SOX6: variants seen among roughly 807,000 people sequenced by gnomAD.
SOX6 encodes transcription factor SOX-6.
Under a neutral mutation model 97.8 loss-of-function variants are expected in SOX6, and 11 were observed. The observed-to-expected ratio is 0.11, with a 90% CI of 0.07 to 0.19. The LOEUF is 0.19. Among genes scored for constraint, SOX6 ranks in the 10% least tolerant of loss-of-function variants. The pLI is 1.00. For synonymous variants in SOX6, 360 were observed against 371.4 expected (o/e 0.97, Z 0.35); for missense variants, 810 against 1,039.5 (o/e 0.78, Z 3.04).
chr11:16,106,372 G>A (rs191440598), intron 7 of SOX6, among the ~76,000 whole-genome samples: 17 of 151,400 alleles, frequency 1.1e-4, no homozygotes, highest in African/African-American at 3.9e-4. Context: ...ATGTGTGTGT[G>A]TATATATATA....
intron 4 of SOX6, among the ~76,000 whole-genome samples, chr11:16,533,673 C>T (rs1316602862): frequency 2.0e-5 from 3 of 151,852 alleles, no homozygotes; most frequent in Non-Finnish European, 4.4e-5. Context: ...TTGGGATGCA[C>T]GTTTGAACAG....
At chr11:16,485,504 G>A (rs1860413709) in intron 4 of SOX6, among the ~76,000 whole-genome samples, 1 of 151,990 alleles carries the variant, frequency 6.6e-6, no homozygotes, top group Admixed American at 6.5e-5. Context: ...GGCCAGGGTG[G>A]GCAAGTCATG....
At chr11:16,362,343 C>T (rs1857230528) in intron 1 of SOX6, among the ~76,000 whole-genome samples, 1 of 151,930 alleles carries the variant, frequency 6.6e-6, no homozygotes, top group Admixed American at 6.6e-5. Context: ...AAAATAAAGA[C>T]CCTCCCAGTT....
rs1299351119 is a variant in SOX6 at position 16,683,832 on chromosome 11, C to T, written n.429+30998G>A. ...AATGGGAGAAAATTTTTGCAATCTA[C>T]CCATCTGACAAAGGGCTAATATCAA... On this transcript the variant is annotated intron_variant and non_coding_transcript_variant, in intron 3 of 5. Coordinates refer to the SOX6 transcript ENST00000524520. 2.0e-5 allele frequency among the ~76,000 whole-genome samples: 3 copies of T among 151,818 alleles called. No homozygotes were observed. The East Asian group carries it at 5.8e-4, about 29-fold the overall frequency.
At chr11:16,155,635 T>C (rs1489054177) in intron 6 of SOX6, among the ~76,000 whole-genome samples, 1 of 152,120 alleles carries the variant, frequency 6.6e-6, no homozygotes. Flanking sequence ...TAGTACATAG[T>C]GAATCATTAG....
chr11:16,679,086 G>T (rs1847906528), intron 3 of SOX6, among the ~76,000 whole-genome samples: 1 of 152,228 alleles, frequency 6.6e-6, no homozygotes, highest in Non-Finnish European at 1.5e-5. Flanking sequence ...GTCCCTGTAT[G>T]ACAGCTCTGA....
intron 3 of SOX6, among the ~76,000 whole-genome samples, chr11:16,662,867 G>A (rs569889798): frequency 9.2e-5 from 14 of 152,032 alleles, no homozygotes; most frequent in Non-Finnish European, 1.9e-4. Context: ...CTTTTTTGGG[G>A]GAGGCGGGGG....
At chr11:16,112,014 C>A in intron 6 of SOX6, 91 bp from the exon 7 acceptor site, 1 of 1,514,888 alleles carries the variant, frequency 6.6e-7, no homozygotes, top group Non-Finnish European at 9.0e-7. Flanking sequence ...TGCTGGTACC[C>A]ACACAGCCAC....
At chr11:16,572,950 T>C (rs973116404) in intron 4 of SOX6, among the ~76,000 whole-genome samples, 4 of 152,190 alleles carry the variant, frequency 2.6e-5, no homozygotes, top group Admixed American at 1.3e-4. Flanking sequence ...TTTAAACCAC[T>C]CTTATTCTGT....
chr11:16,072,568 C>T lies in SOX6; in HGVS notation c.1102-16667G>A, dbSNP rs191547125. On this transcript the variant is annotated intron_variant, in intron 9 of 15. Coordinates refer to ENST00000683767, the MANE Select transcript of SOX6 (RefSeq NM_001367873.1). ...AATTTTCCCAACCTCACTAGCTTGG[C>T]CAAAATTCGAATCCAGGAAATGCAA... Among the ~76,000 whole-genome samples, 230 of 152,054 alleles carry T rather than the reference C, an allele frequency of 1.5e-3. 1 individual carries two copies. Among genetic ancestry groups the T allele is most frequent in the African/African-American group, 5.1e-3 (213 of 41,470 alleles).
At chr11:16,463,851 A>C (rs1859979516) in intron 1 of SOX6, among the ~76,000 whole-genome samples, 7 of 152,214 alleles carry the variant, frequency 4.6e-5, no homozygotes, top group Admixed American at 4.6e-4. Context: ...TCTTTTGTGT[A>C]GTATCCTTGA....
chr11:16,055,167 T>C (rs1255199347), intron 10 of SOX6, among the ~76,000 whole-genome samples: 1 of 152,210 alleles, frequency 6.6e-6, no homozygotes, highest in Non-Finnish European at 1.5e-5. Flanking sequence ...TTTTCATATT[T>C]ATGATTTTAT....
At chr11:16,266,092 A>T (rs1022659846) in intron 3 of SOX6, among the ~76,000 whole-genome samples, 7 of 151,732 alleles carry the variant, frequency 4.6e-5, no homozygotes, top group African/African-American at 1.7e-4. Flanking sequence ...AACCAAGCAC[A>T]AGAAATATGA....
rs370001656 is a variant in SOX6 at position 16,214,104 on chromosome 11, A to G, written c.535+20478T>C. 1.4e-3 allele frequency among the ~76,000 whole-genome samples: 207 copies of G among 152,340 alleles called. 1 individual carries two copies. The highest frequency in any genetic ancestry group is 4.6e-3 in the African/African-American group (193 of 41,596). On this transcript the variant is annotated intron_variant, in intron 4 of 15. Coordinates refer to ENST00000683767, the MANE Select transcript of SOX6 (RefSeq NM_001367873.1). ...CAAGGTATGTTAAGTAAGCCTTAAA[A>G]TGCAGCCAATGTTACTGAGGAACTG...
chr11:16,497,365 GA>G (rs1251941725), intron 4 of SOX6, among the ~76,000 whole-genome samples: 1 of 152,064 alleles, frequency 6.6e-6, no homozygotes, highest in Non-Finnish European at 1.5e-5. Context: ...CAAAGATGGG[GA>G]AAAAACAGAG....
chr11:16,153,994 C>T (rs552249797), intron 6 of SOX6, among the ~76,000 whole-genome samples: 284 of 152,184 alleles, frequency 1.9e-3, no homozygotes, highest in African/African-American at 6.6e-3. Context: ...GTAATGCTGC[C>T]TGATAATAAA....
At chr11:16,566,171 C>T (rs1257648324) in intron 4 of SOX6, among the ~76,000 whole-genome samples, 2 of 150,782 alleles carry the variant, frequency 1.3e-5, no homozygotes, top group Non-Finnish European at 3.0e-5. Context: ...AAGAATGCAA[C>T]GAGATCCTGG....
intron 4 of SOX6, among the ~76,000 whole-genome samples, chr11:16,233,190 T>C (rs970468681): frequency 3.3e-5 from 5 of 152,128 alleles, no homozygotes; most frequent in African/African-American, 7.2e-5. Context: ...CCTAAAGTTG[T>C]TGGATAAATT....
chr11:16,153,538 A>T (rs1433534076), intron 6 of SOX6, among the ~76,000 whole-genome samples: 1 of 152,192 alleles, frequency 6.6e-6, no homozygotes. Context: ...CCTAAAATAC[A>T]ATAAAAACCC....
Sources: allele counts gnomAD v4.1 joint callset (sites outside exome capture counted in the v4.1 genomes callset), GRCh38; gene constraint gnomAD v4.1.1; transcripts MANE v1.5; gene names NCBI Gene and HGNC (gene_info 2026-07-23, HGNC 2026-07-21).